The following PPP2R2C variants were observed in gnomAD, a reference collection of about 807,000 sequenced individuals.
The protein encoded by PPP2R2C is protein phosphatase 2, regulatory subunit B, gamma.
In PPP2R2C, 10 loss-of-function variants were observed where a neutral mutation model predicts 45.3. The observed-to-expected ratio is 0.22, with a 90% confidence interval of 0.14 to 0.37. The LOEUF is 0.37. PPP2R2C is among the 10% of genes least tolerant of loss of function. PPP2R2C has a pLI of 1.00. For synonymous variants in PPP2R2C, 257 were observed against 245.4 expected, an observed-to-expected ratio of 1.05 and a Z score of -0.44; for missense variants, 308 against 619.7, an observed-to-expected ratio of 0.50 and a Z score of 5.34.
At chr4:6,512,448 GGTGGTGGTGGTGGTGATTATGGTGGTA>G in intron 2 of PPP2R2C, among the ~76,000 whole-genome samples, 1 of 129,792 alleles carries the variant, frequency 7.7e-6, no homozygotes, top group Non-Finnish European at 1.7e-5. Flanking sequence ...TGGTGGCGGT[GGTGGTGGTGGTGGTGATTATGGTGGTA>G]GTGGTGGTGA....
chr4:6,500,989 T>G (rs1328863830), intron 2 of PPP2R2C, among the ~76,000 whole-genome samples: 1 of 152,246 alleles, frequency 6.6e-6, no homozygotes, highest in African/African-American at 2.4e-5. Context: ...GACGGCAGAA[T>G]GCCTGCCTGC....
At chr4:6,370,213 C>T (rs1047072335) in intron 5 of PPP2R2C, among the ~76,000 whole-genome samples, 4 of 152,214 alleles carry the variant, frequency 2.6e-5, no homozygotes, top group Non-Finnish European at 4.4e-5. Context: ...CTGGCTCTGC[C>T]CCTGCCAACT....
chr4:6,434,225 C>T (rs1227588962), intron 1 of PPP2R2C, among the ~76,000 whole-genome samples: 2 of 152,188 alleles, frequency 1.3e-5, no homozygotes, highest in South Asian at 2.1e-4. Flanking sequence ...TCCACTATCA[C>T]GCTCTGGAAT....
chr4:6,532,105 C>G (rs1173372754), intron 2 of PPP2R2C, among the ~76,000 whole-genome samples: 1 of 152,214 alleles, frequency 6.6e-6, no homozygotes, highest in South Asian at 2.1e-4. Context: ...CACCAGGTCA[C>G]CCTCTCCCCC....
chr4:6,386,631 C>T (rs1716231709), intron 1 of PPP2R2C, among the ~76,000 whole-genome samples: 1 of 152,170 alleles, frequency 6.6e-6, no homozygotes, highest in East Asian at 1.9e-4. Context: ...GGAGAAGTAA[C>T]AAAAATCTAG....
intron 1 of PPP2R2C, among the ~76,000 whole-genome samples, chr4:6,459,995 C>A (rs1721243731): frequency 6.6e-6 from 1 of 152,128 alleles, no homozygotes; most frequent in Non-Finnish European, 1.5e-5. Context: ...ACCAAATATG[C>A]ACGCAAAAAG....
intron 1 of PPP2R2C, among the ~76,000 whole-genome samples, chr4:6,445,340 T>C (rs1056437515): frequency 5.9e-5 from 9 of 152,222 alleles, no homozygotes; most frequent in African/African-American, 1.9e-4. Context: ...TCCACACACA[T>C]GTATAAGCAA....
intron 1 of PPP2R2C, among the ~76,000 whole-genome samples, chr4:6,466,897 C>G (rs571827844): frequency 6.6e-6 from 1 of 152,186 alleles, no homozygotes; most frequent in African/African-American, 2.4e-5. Flanking sequence ...GAGCACATTG[C>G]TTACAGCAGG....
chr4:6,349,713 C>T, intron 5 of PPP2R2C: 1 of 708,268 alleles, frequency 1.4e-6, no homozygotes, highest in Non-Finnish European at 1.7e-6. Flanking sequence ...ACAAGCCTGA[C>T]CAACATTGCA....
intron 5 of PPP2R2C, among the ~76,000 whole-genome samples, chr4:6,362,239 T>G (rs1577108278): frequency 6.6e-6 from 1 of 150,856 alleles, no homozygotes; most frequent in Non-Finnish European, 1.5e-5. Context: ...GGTGATGGAG[T>G]ATGAGCTATG....
chr4:6,378,719 A>T lies in PPP2R2C; in HGVS notation c.169-147T>A. 1.1e-6 allele frequency: 1 copy of T among 876,952 alleles called. No individual in the cohort carries two copies. The highest frequency in any genetic ancestry group is 1.8e-6 in the Non-Finnish European group (1 of 569,216). The allele number at this position is 876,952 out of a possible 1,614,324, so 54.3% of individuals were successfully genotyped here. A position where few individuals can be genotyped will look rare whatever the true frequency, so the allele number is the denominator to read the frequency against. On this transcript the variant is annotated intron_variant, in intron 2 of 8. Transcript: ENST00000382599. This position sits in a 1 kb window ranked among gnomAD's most constrained non-coding sequence, Gnocchi z 5.2. Reference sequence around the variant, plus strand: ...TCGAGGGTCAAATGAAACTCTCTGCAGCTTAACCGGCCCATGACTTGCAGT... The same window carrying T: ...TCGAGGGTCAAATGAAACTCTCTGCTGCTTAACCGGCCCATGACTTGCAGT...
chr4:6,382,979 C>T (rs377373270), intron 1 of PPP2R2C: 9 of 1,070,944 alleles, frequency 8.4e-6, no homozygotes, highest in East Asian at 8.8e-5. Context: ...CCAGGTGGGC[C>T]GCATCTGGAG....
intron 2 of PPP2R2C, among the ~76,000 whole-genome samples, chr4:6,503,522 G>A (rs1286476532): frequency 6.6e-6 from 1 of 152,054 alleles, no homozygotes; most frequent in Non-Finnish European, 1.5e-5. Flanking sequence ...TATGTGTTTT[G>A]TTCATGACAG....
At chr4:6,387,969 G>C (rs1400058645) in intron 1 of PPP2R2C, among the ~76,000 whole-genome samples, 1 of 152,228 alleles carries the variant, frequency 6.6e-6, no homozygotes, top group African/African-American at 2.4e-5. Flanking sequence ...CTAAGTGGCA[G>C]GGCCTTTGGC....
At chr4:6,542,663 C>G (rs1480990464) in intron 1 of PPP2R2C, among the ~76,000 whole-genome samples, 3 of 147,622 alleles carry the variant, frequency 2.0e-5, no homozygotes, top group Non-Finnish European at 3.0e-5. Flanking sequence ...AAGATCACAC[C>G]ACTGAACTCC....
chr4:6,382,160 T>C, intron 1 of PPP2R2C: 1 of 1,200,004 alleles, frequency 8.3e-7, no homozygotes, highest in Non-Finnish European at 1.0e-6. Context: ...AATCCACATT[T>C]CCAGTATGTC....
At chr4:6,482,241 A>AT (rs1722379282) in intron 2 of PPP2R2C, among the ~76,000 whole-genome samples, 1 of 152,194 alleles carries the variant, frequency 6.6e-6, no homozygotes, top group Non-Finnish European at 1.5e-5. Flanking sequence ...AACACCTTAT[A>AT]TTTGTAAACT....
intron 2 of PPP2R2C, among the ~76,000 whole-genome samples, chr4:6,510,980 C>CA (rs752037080): frequency 0.027 from 1,102 of 41,152 alleles, 75 homozygotes; most frequent in Middle Eastern, 0.045. Context: ...CCGTCTCAAA[C>CA]AAAAAAAAAC....
intron 2 of PPP2R2C, among the ~76,000 whole-genome samples, chr4:6,480,450 A>C (rs574141836): frequency 6.6e-6 from 1 of 152,288 alleles, no homozygotes; most frequent in South Asian, 2.1e-4. Context: ...GAGTATTTAC[A>C]TCCCAGAAAT....
Sources: gnomAD v4.1 joint callset for allele counts (sites outside exome capture counted in the v4.1 genomes callset) on GRCh38, gnomAD v4.1.1 for gene constraint, Gnocchi (gnomAD v3.1) non-coding constraint, MANE v1.5 for transcripts, NCBI Gene and HGNC (gene_info 2026-07-23, HGNC 2026-07-21) for gene names.